LINGO2: variants seen among roughly 807,000 people sequenced by gnomAD.
LINGO2 encodes leucine-rich repeat and immunoglobulin-like domain-containing nogo receptor-interacting protein 2.
A neutral mutation model predicts 30.6 loss-of-function variants in LINGO2; 14 were observed. The observed-to-expected ratio is 0.46, with a 90% CI of 0.30 to 0.72. The LOEUF is 0.72. Ranked by LOEUF, LINGO2 falls within the 30% of genes least tolerant of loss-of-function variation. The pLI is 0.07. For synonymous variants in LINGO2, 317 were observed against 288.5 expected (o/e 1.10, Z -1.00); for missense variants, 729 against 751.7 (o/e 0.97, Z 0.35).
chr9:28,678,400 A>C, the LINGO2 span, among the ~76,000 whole-genome samples: 3 of 152,076 alleles, frequency 2.0e-5, no homozygotes, highest in East Asian at 5.8e-4. Flanking sequence ...TTCCAAATGA[A>C]TACTTCTTTC....
At chr9:28,974,474 G>A in the LINGO2 span, among the ~76,000 whole-genome samples, 1 of 152,148 alleles carries the variant, frequency 6.6e-6, no homozygotes, top group Non-Finnish European at 1.5e-5. Context: ...GGAGGAGGAA[G>A]TTAAGGCTTA....
chr9:28,280,883 G>A (rs910870131), intron 4 of LINGO2, among the ~76,000 whole-genome samples: 3 of 152,098 alleles, frequency 2.0e-5, no homozygotes, highest in Admixed American at 2.0e-4. Flanking sequence ...GTCAGACTTC[G>A]AATTGACTAA....
the LINGO2 span, among the ~76,000 whole-genome samples, chr9:28,807,653 A>C: frequency 2.6e-5 from 4 of 152,218 alleles, no homozygotes; most frequent in South Asian, 2.1e-4. Flanking sequence ...ATAATTGAGA[A>C]TAACATTTGC....
At chr9:28,791,062 T>G in the LINGO2 span, among the ~76,000 whole-genome samples, 1 of 152,176 alleles carries the variant, frequency 6.6e-6, no homozygotes, top group South Asian at 2.1e-4. Flanking sequence ...TTATGCACAT[T>G]TTAAAGTCTA....
intron 2 of LINGO2, among the ~76,000 whole-genome samples, chr9:28,400,678 A>G (rs1359481055): frequency 6.6e-6 from 1 of 152,208 alleles, no homozygotes; most frequent in Admixed American, 6.5e-5. Context: ...GTACCCATGA[A>G]CAAAGAAGAG....
At chr9:28,230,505 C>T (rs1217469656) in intron 4 of LINGO2, among the ~76,000 whole-genome samples, 2 of 151,510 alleles carry the variant, frequency 1.3e-5, no homozygotes, top group Non-Finnish European at 3.0e-5. Flanking sequence ...AAGGTAAATC[C>T]CATCTTAACT....
At chr9:29,032,433 T>C in the LINGO2 span, among the ~76,000 whole-genome samples, 2 of 152,180 alleles carry the variant, frequency 1.3e-5, no homozygotes, top group Non-Finnish European at 2.9e-5. Context: ...TTTTAAAATG[T>C]AGTAGAATTA....
the LINGO2 span, among the ~76,000 whole-genome samples, chr9:28,760,299 T>G: frequency 6.6e-6 from 1 of 152,004 alleles, no homozygotes; most frequent in Non-Finnish European, 1.5e-5. Flanking sequence ...GGCTTCTAAA[T>G]AGGTAATTTA....
At chr9:28,101,240 A>C (rs1351811868) in intron 4 of LINGO2, among the ~76,000 whole-genome samples, 12 of 152,056 alleles carry the variant, frequency 7.9e-5, no homozygotes, top group Non-Finnish European at 1.5e-5. Context: ...TTAGACCTTG[A>C]CTATTGATGG....
chr9:28,023,036 T>C (rs1170274211), intron 4 of LINGO2, among the ~76,000 whole-genome samples: 1 of 151,788 alleles, frequency 6.6e-6, no homozygotes, highest in African/African-American at 2.4e-5. Flanking sequence ...GTTTTCCATA[T>C]CTCTGATTAT....
the LINGO2 span, among the ~76,000 whole-genome samples, chr9:28,900,074 G>C: frequency 6.6e-6 from 1 of 151,998 alleles, no homozygotes; most frequent in African/African-American, 2.4e-5. Flanking sequence ...CAGGCTCCAG[G>C]CTGGTCCTCA....
chr9:28,513,000 T>C (rs1173367364), intron 1 of LINGO2, among the ~76,000 whole-genome samples: 1 of 151,794 alleles, frequency 6.6e-6, no homozygotes, highest in African/African-American at 2.4e-5. Context: ...TTAATCTCTT[T>C]TGGCAACACC....
chr9:29,124,140 G>A, the LINGO2 span, among the ~76,000 whole-genome samples: 1 of 152,032 alleles, frequency 6.6e-6, no homozygotes, highest in Non-Finnish European at 1.5e-5. Context: ...TGACAAATCT[G>A]ACAAAAACAA....
chr9:28,053,029 CTCA>C (rs1447791271), intron 4 of LINGO2, among the ~76,000 whole-genome samples: 2 of 152,000 alleles, frequency 1.3e-5, no homozygotes, highest in African/African-American at 2.4e-5. Context: ...GTTTTCTGTC[CTCA>C]TCAAGTTTAT....
intron 1 of LINGO2, among the ~76,000 whole-genome samples, chr9:28,476,524 C>G (rs1026478110): frequency 6.6e-6 from 1 of 152,166 alleles, no homozygotes; most frequent in African/African-American, 2.4e-5. Context: ...ATCCTCCCGC[C>G]GCGGCCTCCC....
the LINGO2 span, among the ~76,000 whole-genome samples, chr9:28,805,151 A>G: frequency 0.031 from 4,755 of 152,264 alleles, 98 homozygotes; most frequent in Middle Eastern, 0.051. Context: ...GTTAACATGG[A>G]TATAACATTC....
the LINGO2 span, among the ~76,000 whole-genome samples, chr9:28,811,148 C>T: frequency 6.6e-6 from 1 of 152,126 alleles, no homozygotes; most frequent in Non-Finnish European, 1.5e-5. Flanking sequence ...ATCATAATCT[C>T]ATTATCTCAA....
the LINGO2 span, among the ~76,000 whole-genome samples, chr9:28,832,671 C>T: frequency 6.6e-6 from 1 of 152,108 alleles, no homozygotes; most frequent in Non-Finnish European, 1.5e-5. Flanking sequence ...GTTTTAGCCA[C>T]ATCCACATAA....
intron 1 of LINGO2, among the ~76,000 whole-genome samples, chr9:28,657,247 T>G (rs986749024): frequency 6.6e-6 from 1 of 152,054 alleles, no homozygotes; most frequent in African/African-American, 2.4e-5. Flanking sequence ...TGGCATCTAG[T>G]ACCCTGATAT....
Sources: gnomAD v4.1 joint callset for allele counts (sites outside exome capture counted in the v4.1 genomes callset) on GRCh38, gnomAD v4.1.1 for gene constraint, MANE v1.5 for transcripts, NCBI Gene and HGNC (gene_info 2026-07-23, HGNC 2026-07-21) for gene names.